Variants in GRM5 observed in about 807,000 individuals in gnomAD.
GRM5 encodes glutamate metabotropic receptor 5.
A neutral mutation model predicts 83.1 loss-of-function variants in GRM5; 19 were observed. The ratio of observed to expected loss-of-function variants is 0.23; its 90% CI spans 0.16 to 0.34. GRM5 has a LOEUF of 0.34. GRM5 is among the 10% of genes least tolerant of loss of function. The pLI is 1.00. For synonymous variants in GRM5, 675 were observed against 633.6 expected (o/e 1.07, Z -0.98); for missense variants, 1,160 against 1,588.3 (o/e 0.73, Z 4.58).
At chr11:88,605,300 A>ATCT (rs1314178121) in intron 4 of GRM5, among the ~76,000 whole-genome samples, 1 of 152,040 alleles carries the variant, frequency 6.6e-6, no homozygotes, top group East Asian at 1.9e-4. Flanking sequence ...TCATTTCATT[A>ATCT]GTATGAGCTG....
At chr11:88,916,536 CCAT>C (rs1156634411) in intron 2 of GRM5, among the ~76,000 whole-genome samples, 3 of 152,106 alleles carry the variant, frequency 2.0e-5, no homozygotes, top group Non-Finnish European at 4.4e-5. Flanking sequence ...AGCACCACCA[CCAT>C]GAGTTAAATT....
chr11:88,817,316 A>G (rs1229178022), intron 3 of GRM5, among the ~76,000 whole-genome samples: 1 of 152,104 alleles, frequency 6.6e-6, no homozygotes, highest in Non-Finnish European at 1.5e-5. Flanking sequence ...AAATTCTAAT[A>G]TTAGATACCA....
At chr11:88,780,618 C>T (rs1942955721) in intron 3 of GRM5, among the ~76,000 whole-genome samples, 1 of 152,066 alleles carries the variant, frequency 6.6e-6, no homozygotes, top group South Asian at 2.1e-4. Context: ...AGGGTACAAA[C>T]AAAATGTCCA....
At chr11:88,765,651 A>G (rs1942613569) in intron 3 of GRM5, among the ~76,000 whole-genome samples, 1 of 151,704 alleles carries the variant, frequency 6.6e-6, no homozygotes, top group Non-Finnish European at 1.5e-5. Flanking sequence ...ACAAAATAAT[A>G]AGGTTGAACC....
chr11:88,811,143 G>C (rs993214928), intron 3 of GRM5, among the ~76,000 whole-genome samples: 1 of 152,018 alleles, frequency 6.6e-6, no homozygotes, highest in Non-Finnish European at 1.5e-5. Flanking sequence ...TAACAACACT[G>C]GGGGGTGGAT....
rs201916709 is a variant in GRM5 at position 89,047,192 on chromosome 11, T to C, written c.661+20A>G. On this transcript the variant is annotated intron_variant, in intron 2 of 9. Coordinates refer to ENST00000305447, the MANE Select transcript of GRM5 (RefSeq NM_001143831.3). The surrounding 1 kb of genome is among the most constrained non-coding windows in gnomAD (Gnocchi z 5.1). ...TGAGTGCATAATAATATATACTCGA[T>C]GTATGCAAAGGAAACTTACCTTCTG... is the stretch of plus-strand genomic sequence containing the variant. 5 of 1,555,708 alleles carry C rather than the reference T, an allele frequency of 3.2e-6. No individual in the cohort carries two copies. The highest frequency in any genetic ancestry group is 1.8e-5 in the Admixed American group (1 of 56,860).
At chr11:88,779,745 C>T (rs772674432) in intron 3 of GRM5, among the ~76,000 whole-genome samples, 11 of 152,206 alleles carry the variant, frequency 7.2e-5, no homozygotes, top group Admixed American at 3.3e-4. Flanking sequence ...TCTTAGTCAC[C>T]GAAAAGCAAA....
chr11:88,533,590 G>C (rs1942066341), intron 8 of GRM5, among the ~76,000 whole-genome samples: 1 of 152,056 alleles, frequency 6.6e-6, no homozygotes, highest in Non-Finnish European at 1.5e-5. Context: ...TGAAGGCATG[G>C]GTTCTGAACC....
intron 3 of GRM5, among the ~76,000 whole-genome samples, chr11:88,655,886 A>G (rs1414265389): frequency 6.6e-6 from 1 of 152,130 alleles, no homozygotes; most frequent in Non-Finnish European, 1.5e-5. Flanking sequence ...CATTCTATTT[A>G]AATTTTTGGA....
chr11:88,926,279 T>G (rs1432405670), intron 2 of GRM5, among the ~76,000 whole-genome samples: 1 of 152,184 alleles, frequency 6.6e-6, no homozygotes, highest in Non-Finnish European at 1.5e-5. Context: ...TAAAGTCAAA[T>G]TTCAAATTAT....
intron 3 of GRM5, among the ~76,000 whole-genome samples, chr11:88,774,172 C>T (rs899861545): frequency 6.6e-5 from 10 of 152,138 alleles, no homozygotes; most frequent in African/African-American, 2.2e-4. Flanking sequence ...CTTCACATCC[C>T]TTGTAAGTTG....
chr11:88,778,505 G>A (rs1942907014), intron 3 of GRM5, among the ~76,000 whole-genome samples: 1 of 152,162 alleles, frequency 6.6e-6, no homozygotes, highest in African/African-American at 2.4e-5. Flanking sequence ...CACTTCAGTT[G>A]GAAATGCAGA....
chr11:89,040,562 G>A (rs1254826397), intron 2 of GRM5, among the ~76,000 whole-genome samples: 1 of 152,050 alleles, frequency 6.6e-6, no homozygotes, highest in Non-Finnish European at 1.5e-5. Flanking sequence ...TTATTCACAC[G>A]TGGTCACATG....
chr11:88,625,795 AAAAT>A (rs1205252878), intron 4 of GRM5, among the ~76,000 whole-genome samples: 1 of 152,170 alleles, frequency 6.6e-6, no homozygotes, highest in Non-Finnish European at 1.5e-5. Context: ...AAAAGAAATG[AAAAT>A]AAAAGCAACA....
At chr11:88,958,747 C>G (rs1020117092) in intron 2 of GRM5, among the ~76,000 whole-genome samples, 2 of 152,072 alleles carry the variant, frequency 1.3e-5, no homozygotes, top group African/African-American at 4.8e-5. Context: ...GGGCAATATC[C>G]ACTGGTATTT....
intron 2 of GRM5, among the ~76,000 whole-genome samples, chr11:88,989,494 C>T (rs1047082242): frequency 1.6e-5 from 2 of 125,682 alleles, no homozygotes; most frequent in Admixed American, 8.5e-5. Context: ...TTGAACTCAG[C>T]TCTGCACCAA....
At chr11:88,706,609 C>G (rs1239884651) in intron 3 of GRM5, among the ~76,000 whole-genome samples, 1 of 151,998 alleles carries the variant, frequency 6.6e-6, no homozygotes, top group Non-Finnish European at 1.5e-5. Flanking sequence ...AGGTATGAAC[C>G]TGGATGGATG....
chr11:88,919,783 A>C (rs561159886), intron 2 of GRM5, among the ~76,000 whole-genome samples: 156 of 152,170 alleles, frequency 1.0e-3, no homozygotes, highest in African/African-American at 3.5e-3. Context: ...AAATTAAACA[A>C]AATGTTCCTG....
rs902138292 is a variant in GRM5, at chr11:88,836,449, G to GTA, written c.911+13455_911+13456dup. On this transcript the variant is annotated intron_variant, in intron 3 of 9. Coordinates refer to ENST00000305447, the MANE Select transcript of GRM5 (RefSeq NM_001143831.3). ...TGTGTATATAAATCTGTGTGTGTGT[G>GTA]TATATATATGTATGATAGTTCACAT... 7.2e-5 allele frequency among the ~76,000 whole-genome samples: 11 copies of GTA among 152,214 alleles called. No homozygotes were observed. The South Asian group carries it at 1.2e-3, about 17-fold the overall frequency.
Sources: gnomAD v4.1 joint callset for allele counts (sites outside exome capture counted in the v4.1 genomes callset) on GRCh38, gnomAD v4.1.1 for gene constraint, Gnocchi (gnomAD v3.1) non-coding constraint, MANE v1.5 for transcripts, NCBI Gene and HGNC (gene_info 2026-07-23, HGNC 2026-07-21) for gene names.